Variants in RANBP3 observed in about 807,000 individuals in gnomAD.
RANBP3 encodes ran-binding protein 3.
RANBP3 carries 14 observed loss-of-function variants against 77.3 expected under a neutral mutation model. The ratio of observed to expected loss-of-function variants is 0.18; its 90% CI spans 0.12 to 0.28. The LOEUF is 0.28. Among genes scored for constraint, RANBP3 ranks in the 10% least tolerant of loss-of-function variants. RANBP3 has a pLI of 1.00. For missense variants in RANBP3, 586 were observed against 752.3 expected (o/e 0.78, Z 2.59); for synonymous variants, 315 against 312.4 (o/e 1.01, Z -0.09).
chr19:5,924,002 C>T lies in RANBP3; in HGVS notation c.997-88G>A, dbSNP rs2057865990. The T allele has an allele frequency of 2.0e-6, 2 of 1,011,130 alleles. No individual in the cohort carries two copies. Among genetic ancestry groups the T allele is most frequent in the Admixed American group, 1.9e-5 (1 of 51,906 alleles). The allele number at this position is 1,011,130 out of a possible 1,614,324, so 62.6% of individuals were successfully genotyped here. ...GAGCACCTCTCTGCCTGGCCCCCAA[C>T]ACTACGCTGCCCCCAGCACTCCTGC... On this transcript the variant is annotated intron_variant, in intron 11 of 16. Transcript: ENST00000340578. This position sits in a 1 kb window ranked among gnomAD's most constrained non-coding sequence, Gnocchi z 4.7.
At chr19:5,929,371 T>C (rs1333413176) in intron 8 of RANBP3, among the ~76,000 whole-genome samples, 1 of 152,254 alleles carries the variant, frequency 6.6e-6, no homozygotes, top group Non-Finnish European at 1.5e-5. Flanking sequence ...TCCCTGGCTC[T>C]TGGCTTTCTG....
intron 3 of RANBP3, among the ~76,000 whole-genome samples, chr19:5,946,093 C>A (rs946966172): frequency 6.6e-6 from 1 of 152,156 alleles, no homozygotes; most frequent in Non-Finnish European, 1.5e-5. Flanking sequence ...CCGTGGGCGC[C>A]CTCCCTCCAG....
At chr19:5,944,208 G>A (rs981684458) in intron 3 of RANBP3, among the ~76,000 whole-genome samples, 3 of 152,340 alleles carry the variant, frequency 2.0e-5, no homozygotes, top group South Asian at 2.1e-4. Flanking sequence ...TGGGGGCAGG[G>A]CTTTAGAGCT....
intron 13 of RANBP3, 99 bp downstream of exon 13, chr19:5,923,095 G>A (rs916712502): frequency 2.2e-5 from 21 of 945,756 alleles, no homozygotes; most frequent in Non-Finnish European, 3.2e-5. Context: ...CATCTCAGGG[G>A]CAGGCCTGTG....
At chr19:5,944,146 CCA>C (rs1319606225) in intron 3 of RANBP3, among the ~76,000 whole-genome samples, 2 of 152,186 alleles carry the variant, frequency 1.3e-5, no homozygotes, top group Non-Finnish European at 1.5e-5. Flanking sequence ...TGCTCGTGAC[CCA>C]CACCTGATGA....
chr19:5,923,655 C>A (rs1170967394), intron 12 of RANBP3, among the ~76,000 whole-genome samples, 157 bp downstream of exon 12: 1 of 152,202 alleles, frequency 6.6e-6, no homozygotes, highest in Non-Finnish European at 1.5e-5. Flanking sequence ...CAAACCCTTG[C>A]TCACTGCAAG....
intron 2 of RANBP3, among the ~76,000 whole-genome samples, chr19:5,953,095 A>C (rs1033774732): frequency 3.9e-5 from 6 of 152,236 alleles, no homozygotes; most frequent in Non-Finnish European, 8.8e-5. Flanking sequence ...ACCAAGAAGT[A>C]AGTCATAAAC....
chr19:5,923,114 G>T, intron 13 of RANBP3, 80 bp downstream of exon 13: 1 of 1,142,224 alleles, frequency 8.8e-7, no homozygotes, highest in Non-Finnish European at 1.3e-6. Flanking sequence ...TGTGCTCAGA[G>T]GATGTGGGCC....
intron 7 of RANBP3, 65 bp downstream of exon 7, chr19:5,932,387 G>C (rs2058004507): frequency 2.3e-6 from 3 of 1,303,788 alleles, no homozygotes; most frequent in Admixed American, 3.6e-5. Context: ...TGCTGTCCCG[G>C]GTGCGACTTC....
intron 3 of RANBP3, 65 bp from the exon 4 acceptor site, chr19:5,941,900 G>T: frequency 1.3e-6 from 2 of 1,586,810 alleles, no homozygotes; most frequent in South Asian, 1.1e-5. Context: ...AGCAACTCTC[G>T]GGGCCGTAAC....
In RANBP3 at chr19:5,958,604, G is replaced by A. The variant is rs1280918919; in HGVS notation, c.23-631C>T. Among the ~76,000 whole-genome samples the A allele has an allele frequency of 3.9e-5, 6 of 152,228 alleles. No individual in the cohort carries two copies. The highest frequency in any genetic ancestry group is 6.5e-5 in the Admixed American group (1 of 15,290). On this transcript the variant is annotated intron_variant, in intron 1 of 16. Coordinates refer to ENST00000340578, the MANE Select transcript of RANBP3 (RefSeq NM_007322.3). This position sits in a 1 kb window ranked among gnomAD's most constrained non-coding sequence, Gnocchi z 4.4. ...GAGCAAGGCGGCCTGTAATGCCCAC[G>A]CAACACCATCTGTCTCCTACCCAGG...
intron 13 of RANBP3, 52 bp downstream of exon 13, chr19:5,923,142 C>T: frequency 1.4e-6 from 2 of 1,476,946 alleles, no homozygotes; most frequent in Non-Finnish European, 1.9e-6. Flanking sequence ...TGCGGTTGGA[C>T]CCCCAGGTGC....
intron 3 of RANBP3, among the ~76,000 whole-genome samples, chr19:5,949,531 T>C (rs2058249142): frequency 6.6e-6 from 1 of 152,156 alleles, no homozygotes; most frequent in Admixed American, 6.5e-5. Context: ...GTGCTAAAAC[T>C]ACAAGGTGCA....
At chr19:5,931,646 C>G (rs963762422) in intron 7 of RANBP3, 115 bp from the exon 8 acceptor site, 1 of 1,129,226 alleles carries the variant, frequency 8.9e-7, no homozygotes, top group African/African-American at 1.6e-5. Context: ...ATGGTAAAGC[C>G]CACAGCACAT....
At chr19:5,928,455 CA>C in intron 8 of RANBP3, 3 of 154,612 alleles carry the variant, frequency 1.9e-5, no homozygotes, top group Admixed American at 6.6e-5. Flanking sequence ...AAGTACAGCA[CA>C]GCTATTACCA....
At position 5,924,727 on chromosome 19, in the gene RANBP3, C is replaced by T. The variant is rs1344119768; in HGVS notation, c.996+100G>A. On this transcript the variant is annotated intron_variant, in intron 11 of 16. Coordinates refer to ENST00000340578, the MANE Select transcript of RANBP3 (RefSeq NM_007322.3). The surrounding 1 kb of genome is among the most constrained non-coding windows in gnomAD (Gnocchi z 4.7). ...TGCTACTGAAGGCATCCCCATCTCACATAGGACGACACAGCAGCCCTGCTC... is the reference window on the plus strand; with the variant it reads ...TGCTACTGAAGGCATCCCCATCTCATATAGGACGACACAGCAGCCCTGCTC... The T allele has an allele frequency of 5.7e-6, 7 of 1,228,726 alleles. No individual in the cohort carries two copies. The highest frequency in any genetic ancestry group is 3.4e-5 in the Admixed American group (2 of 59,128). 76.1% of individuals were successfully genotyped at this position (1,228,726 alleles called of 1,614,324 possible). A position where few individuals can be genotyped will look rare whatever the true frequency, so the allele number is the denominator to read the frequency against.
In RANBP3 at chr19:5,923,844, T is replaced by G; in HGVS notation, c.1067A>C (p.Glu356Ala). Reference protein sequence around the residue: ...RENAAAESGSESSSQEATPEK... With the variant: ...RENAAAESGSASSSQEATPEK... ...AGGGGTGGCCTCCTGGGACGAGGAC[T>G]CAGACCCTGACTCGGCAGCTGCATT... The change falls in exon 12 of 17, where the codon GAG becomes GCG. Residue 356 changes from glutamate to alanine, a missense_variant. Glu to Ala is a moderately radical substitution (Grantham distance 107, BLOSUM62 -1). Transcript: ENST00000340578. 6.2e-7 allele frequency: 1 copy of G among 1,614,154 alleles called. No homozygotes were observed. Among genetic ancestry groups the G allele is most frequent in the Non-Finnish European group, 8.5e-7 (1 of 1,180,006 alleles).
At position 5,931,433 on chromosome 19, in the gene RANBP3, C is replaced by T. The variant is rs768560271; in HGVS notation, c.664G>A (p.Glu222Lys). ...AGTGCACACACCTCATCGGCAGCTTCGGAAGGACTTCTCCATGCAGCAGTG... is the reference window on the plus strand; with the variant it reads ...AGTGCACACACCTCATCGGCAGCTTTGGAAGGACTTCTCCATGCAGCAGTG... The part of the protein sequence containing the change: ...PDTAAWRSPS[E>K]AADEVCALEE... The change falls in exon 8 of 17, where the codon GAA (glutamate) becomes AAA (lysine). Residue 222 changes from glutamate (E) to lysine (K), a missense_variant. Physicochemically the swap from Glu to Lys is moderately conservative, Grantham distance 56. Coordinates refer to ENST00000340578, the MANE Select transcript of RANBP3 (RefSeq NM_007322.3). The T allele has an allele frequency of 3.7e-5, 59 of 1,612,674 alleles. No homozygotes were observed. The highest frequency in any genetic ancestry group is 1.6e-4 in the East Asian group (7 of 44,882).
In RANBP3 at chr19:5,957,958, G is replaced by A. The variant is rs771215761; in HGVS notation, c.38C>T (p.Ala13Val). ...DLANEEKPAIAPPVFVFQKDK... is the reference protein window; with the variant it reads ...DLANEEKPAIVPPVFVFQKDK... ...CTTCTGAAACACAAAGACGGGCGGA[G>A]CAATGGCAGGCTTTTCTGCAAAAAG... The change falls in exon 2 of 17, where the codon GCT (alanine) becomes GTT (valine). Residue 13 changes from alanine (A) to valine (V), a missense_variant. By Grantham distance (64) the Ala-to-Val change is moderately conservative. Around this residue, in one of 5 missense-constraint regions of RANBP3, gnomAD observed 172 missense variants for 183.4 expected, o/e 0.94. Coordinates refer to ENST00000340578, the MANE Select transcript of RANBP3 (RefSeq NM_007322.3). 1 of 1,614,190 alleles carries A rather than the reference G, an allele frequency of 6.2e-7. No individual in the cohort carries two copies. The highest frequency in any genetic ancestry group is 1.1e-5 in the South Asian group (1 of 91,080).
Sources: allele counts gnomAD v4.1 joint callset (sites outside exome capture counted in the v4.1 genomes callset), GRCh38; gene constraint gnomAD v4.1.1; regional missense constraint gnomAD v4.1.1; non-coding constraint Gnocchi (gnomAD v3.1); transcripts MANE v1.5; gene names NCBI Gene and HGNC (gene_info 2026-07-23, HGNC 2026-07-21).